ZNF891: variants seen among roughly 807,000 people sequenced by gnomAD.
ZNF891 encodes the protein hCG1646157.
For synonymous variants in ZNF891, 199 were observed against 209.0 expected, an observed-to-expected ratio of 0.95 and a Z score of 0.41; for missense variants, 589 against 632.7, an observed-to-expected ratio of 0.93 and a Z score of 0.74.
Position 133,121,117 on chromosome 12 carries a change from T to C in ZNF891, c.802A>G (p.Thr268Ala), listed in dbSNP as rs1168048502. 12 of 1,535,474 alleles carry C rather than the reference T, an allele frequency of 7.8e-6. No homozygotes were observed. The Admixed American group carries it at 9.8e-5, about 13-fold the overall frequency. The change falls in exon 2 of 2, where the codon ACA (threonine) becomes GCA (alanine). Residue 268 changes from threonine (T) to alanine (A), a missense_variant. By Grantham distance (58) the Thr-to-Ala change is moderately conservative. Coordinates refer to ENST00000537226, the MANE Select transcript of ZNF891 (RefSeq NM_001277291.2). ...QRNQTVQKEY[T>A]YSKHGMHFTH... is the part of the protein sequence containing the mutation. ...AAGTGCATTCCATGTTTAGAATATG[T>C]GTACTCTTTTTGTACTGTTTGATTT...
rs7971566 is a variant in ZNF891, at chr12:133,118,092, T to C, written c.*2192A>G. ...TCCTGAGTAGCTGGGACTACAGGCATGTGCCACCACACCCGGCTAATTTTT... is the reference window on the plus strand; with the variant it reads ...TCCTGAGTAGCTGGGACTACAGGCACGTGCCACCACACCCGGCTAATTTTT... On this transcript the variant is annotated 3_prime_UTR_variant, in exon 2 of 2. Transcript: ENST00000537226. 0.29 allele frequency: 44,436 copies of C among 151,906 alleles called. 6,761 individuals are homozygous for C. The highest frequency in any genetic ancestry group is 0.35 in the African/African-American group (14,566 of 41,368). The allele number at this position is 151,906 out of a possible 1,614,324, so 9.4% of individuals were successfully genotyped here.
intron 1 of ZNF891, among the ~76,000 whole-genome samples, chr12:133,128,419 C>A (rs1384181477): frequency 1.3e-5 from 2 of 152,084 alleles, no homozygotes; most frequent in Non-Finnish European, 2.9e-5. Context: ...ATTGCCTGAG[C>A]TGAAGAGTTC....
chr12:133,114,005 A>C lies in ZNF891; in HGVS notation c.*6279T>G, dbSNP rs1955701825. 6.6e-6 allele frequency: 1 copy of C among 152,088 alleles called. No homozygotes were observed. The highest frequency in any genetic ancestry group is 1.5e-5 in the Non-Finnish European group (1 of 68,036). The allele number at this position is 152,088 out of a possible 1,614,324, so 9.4% of individuals were successfully genotyped here. On this transcript the variant is annotated 3_prime_UTR_variant, in exon 2 of 2. Transcript: ENST00000537226. ...AGTGCTGGGATTACAGATGTGAGCCACCACACCCACCCAGTAAGTTTGTAC... is the reference window on the plus strand; with the variant it reads ...AGTGCTGGGATTACAGATGTGAGCCCCCACACCCACCCAGTAAGTTTGTAC...
chr12:133,107,683 G>A lies in ZNF891; in HGVS notation c.*12601C>T, dbSNP rs889199615. The A allele has an allele frequency of 1.3e-5, 2 of 152,080 alleles. No homozygotes were observed. Among genetic ancestry groups the A allele is most frequent in the Admixed American group, 6.5e-5 (1 of 15,272 alleles). The allele number at this position is 152,080 out of a possible 1,614,324, so 9.4% of individuals were successfully genotyped here. A position where few individuals can be genotyped will look rare whatever the true frequency, so the allele number is the denominator to read the frequency against. On this transcript the variant is annotated 3_prime_UTR_variant, in exon 2 of 2. Coordinates refer to ENST00000537226, the MANE Select transcript of ZNF891 (RefSeq NM_001277291.2). ...AGATACATCACAGAAAATTACCAAG[G>A]TATTCTTCCTGTTTTGTTCCATGTA...
At position 133,116,193 on chromosome 12, in the gene ZNF891, C is replaced by T. The variant is rs746895903; in HGVS notation, c.*4091G>A. 5.9e-5 allele frequency: 9 copies of T among 152,252 alleles called. No individual in the cohort carries two copies. Among genetic ancestry groups the T allele is most frequent in the Non-Finnish European group, 1.2e-4 (8 of 68,130 alleles). 9.4% of individuals were successfully genotyped at this position (152,252 alleles called of 1,614,324 possible). A position where few individuals can be genotyped will look rare whatever the true frequency, so the allele number is the denominator to read the frequency against. ...GATCTCGGCTTACCACAACCTCTGC[C>T]TCCCGGGTTCACAGCATTCTCCTGC... On this transcript the variant is annotated 3_prime_UTR_variant, in exon 2 of 2. Transcript: ENST00000537226.
chr12:133,125,157 T>C (rs1288230647), intron 1 of ZNF891, among the ~76,000 whole-genome samples: 1 of 150,530 alleles, frequency 6.6e-6, no homozygotes, highest in African/African-American at 2.4e-5. Flanking sequence ...ATCTGAACAC[T>C]GCCTATACAT....
Position 133,107,750 on chromosome 12 carries a change from T to C in ZNF891, c.*12534A>G, listed in dbSNP as rs561718303. The stretch of plus-strand genomic sequence containing the variant: ...TTTGTAAGCAGGTATTTAAAACTGT[T>C]CTGGCATTACCACCTGCCCAGCTGA... On this transcript the variant is annotated 3_prime_UTR_variant, in exon 2 of 2. Coordinates refer to ENST00000537226, the MANE Select transcript of ZNF891 (RefSeq NM_001277291.2). The C allele has an allele frequency of 1.3e-5, 2 of 152,318 alleles. No individual in the cohort carries two copies. Among genetic ancestry groups the C allele is most frequent in the African/African-American group, 4.8e-5 (2 of 41,582 alleles). The allele number at this position is 152,318 out of a possible 1,614,324, so 9.4% of individuals were successfully genotyped here. A position where few individuals can be genotyped will look rare whatever the true frequency, so the allele number is the denominator to read the frequency against.
rs999712573 is a variant in ZNF891, at chr12:133,110,237, C to T, written c.*10047G>A. 2.0e-5 allele frequency: 3 copies of T among 152,042 alleles called. No individual in the cohort carries two copies. Among genetic ancestry groups the T allele is most frequent in the East Asian group, 1.9e-4 (1 of 5,198 alleles). 9.4% of individuals were successfully genotyped at this position (152,042 alleles called of 1,614,324 possible). ...ACAATAGCACAAGAAAGGAGGGAGA[C>T]GTTTAAAAGATGAGTCTAGGAATAT... is the stretch of plus-strand genomic sequence containing the variant. On this transcript the variant is annotated 3_prime_UTR_variant, in exon 2 of 2. Transcript: ENST00000537226.
At chr12:133,126,068 T>C (rs905660015) in intron 1 of ZNF891, 1 of 164,980 alleles carries the variant, frequency 6.1e-6, no homozygotes. Flanking sequence ...AACTTCATAA[T>C]TTGAAAAATA....
rs1377494154 is a variant in ZNF891, at chr12:133,106,229, C to T, written c.*14055G>A. The T allele has an allele frequency of 1.2e-5, 20 of 1,614,116 alleles. No homozygotes were observed. The highest frequency in any genetic ancestry group is 1.0e-4 in the Admixed American group (6 of 60,010). The stretch of plus-strand genomic sequence containing the variant: ...ATTTCGCCGTTTCTCACACCTTACT[C>T]GACATCAGAGCATCCATACAACCAA... On this transcript the variant is annotated 3_prime_UTR_variant, in exon 2 of 2. Coordinates refer to ENST00000537226, the MANE Select transcript of ZNF891 (RefSeq NM_001277291.2).
rs1294469928 is a variant in ZNF891, at chr12:133,121,438, T to A, written c.481A>T (p.Ile161Phe). Residue 161 changes from isoleucine (I) to phenylalanine (F), a missense_variant, in exon 2 of 2, where the codon ATC becomes TTC. Coordinates refer to ENST00000537226, the MANE Select transcript of ZNF891 (RefSeq NM_001277291.2). ...CCTGGAATCTTATGCTGTTTTCTGA[T>A]CTTATGGCATTCCCAGTCTTCTCTT... ...TLREDWECHK[I>F]RKQHKIPGGH... 6.5e-7 allele frequency: 1 copy of A among 1,536,152 alleles called. No homozygotes were observed. Among genetic ancestry groups the A allele is most frequent in the Non-Finnish European group, 8.7e-7 (1 of 1,146,908 alleles).
chr12:133,106,236 A>G lies in ZNF891; in HGVS notation c.*14048T>C. On this transcript the variant is annotated 3_prime_UTR_variant, in exon 2 of 2. Transcript: ENST00000537226. ...CGTTTCTCACACCTTACTCGACATCAGAGCATCCATACAACCAAAACCCCG... is the reference window on the plus strand; with the variant it reads ...CGTTTCTCACACCTTACTCGACATCGGAGCATCCATACAACCAAAACCCCG... The G allele has an allele frequency of 6.2e-7, 1 of 1,614,230 alleles. No homozygotes were observed. The highest frequency in any genetic ancestry group is 1.1e-5 in the South Asian group (1 of 91,084).
rs767135480 is a variant in ZNF891 at position 133,120,577 on chromosome 12, T to C, written c.1342A>G (p.Lys448Glu). The part of the protein sequence containing the change: ...GKAFNTSSHL[K>E]VHKKIHTGEN... ...CCGGTATGAATTTTCTTATGAACTT[T>C]AAGGTGAGAGCTCGTGTTGAAGGCT... The change falls in exon 2 of 2, where the codon AAA becomes GAA. Residue 448 changes from lysine to glutamate, a missense_variant. Physicochemically the swap from Lys to Glu is moderately conservative, Grantham distance 56. Coordinates refer to ENST00000537226, the MANE Select transcript of ZNF891 (RefSeq NM_001277291.2). 1.3e-6 allele frequency: 2 copies of C among 1,559,670 alleles called. No individual in the cohort carries two copies. The highest frequency in any genetic ancestry group is 1.7e-6 in the Non-Finnish European group (2 of 1,153,130).
In ZNF891 at chr12:133,106,132, C is replaced by T; in HGVS notation, c.*14152G>A. On this transcript the variant is annotated 3_prime_UTR_variant, in exon 2 of 2. Coordinates refer to ENST00000537226, the MANE Select transcript of ZNF891 (RefSeq NM_001277291.2). ...AATGTGGTAAAGCATTTAGCAGTGG[C>T]TCAGAACTCATTCGCCACCAGATTA... The T allele has an allele frequency of 3.7e-6, 6 of 1,614,130 alleles. No homozygotes were observed. Among genetic ancestry groups the T allele is most frequent in the Non-Finnish European group, 5.1e-6 (6 of 1,180,018 alleles).
rs376746277 is a variant in ZNF891 at position 133,106,062 on chromosome 12, G to A, written c.*14222C>T. 174 of 1,613,874 alleles carry A rather than the reference G, an allele frequency of 1.1e-4. No homozygotes were observed. The highest frequency in any genetic ancestry group is 1.4e-4 in the Non-Finnish European group (165 of 1,180,014). On this transcript the variant is annotated 3_prime_UTR_variant, in exon 2 of 2. Transcript: ENST00000537226. The stretch of plus-strand genomic sequence containing the variant: ...TTTAGCCGTGCCTCCAACCTCACTC[G>A]ACATCAAAGAATTCACATAGGAAAG...
chr12:133,122,847 C>T (rs1275582268), intron 1 of ZNF891, among the ~76,000 whole-genome samples: 1 of 152,100 alleles, frequency 6.6e-6, no homozygotes, highest in Non-Finnish European at 1.5e-5. Flanking sequence ...GGTCAAATGA[C>T]AAAGGAAGAA....
chr12:133,120,454 C>T lies in ZNF891; in HGVS notation c.1465G>A (p.Glu489Lys). 3 of 1,605,158 alleles carry T rather than the reference C, an allele frequency of 1.9e-6. No individual in the cohort carries two copies. Among genetic ancestry groups the T allele is most frequent in the Non-Finnish European group, 2.6e-6 (3 of 1,176,244 alleles). ...IRTHTGEKPY[E>K]CKECRKAFSV... Reference sequence around the variant, plus strand: ...AAGGCTTTCCTACATTCCTTACATTCATAGGGTTTCTCTCCAGTGTGAGTT... The same window carrying T: ...AAGGCTTTCCTACATTCCTTACATTTATAGGGTTTCTCTCCAGTGTGAGTT... Residue 489 changes from glutamate to lysine, a missense_variant, in exon 2 of 2, where the codon GAA becomes AAA. Glu to Lys is a moderately conservative substitution (Grantham distance 56, BLOSUM62 1). Coordinates refer to ENST00000537226, the MANE Select transcript of ZNF891 (RefSeq NM_001277291.2).
Position 133,106,646 on chromosome 12 carries a change from C to T in ZNF891, c.*13638G>A, listed in dbSNP as rs746450877. The T allele has an allele frequency of 5.1e-6, 8 of 1,574,184 alleles. No individual in the cohort carries two copies. The East Asian group carries it at 1.8e-4, about 35-fold the overall frequency. On this transcript the variant is annotated 3_prime_UTR_variant, in exon 2 of 2. Transcript: ENST00000537226. ...TTACCACTCATTCCTTACTGAACAC[C>T]AGTGAATTTACACTGCAAAGAAAAA... is the stretch of plus-strand genomic sequence containing the variant.
Position 133,115,920 on chromosome 12 carries a change from G to T in ZNF891, c.*4364C>A, listed in dbSNP as rs1955713025. On this transcript the variant is annotated 3_prime_UTR_variant, in exon 2 of 2. Transcript: ENST00000537226. ...GCTCCAATGAGCATTTCTTTTGAAA[G>T]TCACATCGGCGCACAAGGTTTCAGG... The T allele has an allele frequency of 6.6e-6, 1 of 152,168 alleles. No individual in the cohort carries two copies. The highest frequency in any genetic ancestry group is 1.5e-5 in the Non-Finnish European group (1 of 68,024). The allele number at this position is 152,168 out of a possible 1,614,324, so 9.4% of individuals were successfully genotyped here. A position where few individuals can be genotyped will look rare whatever the true frequency, so the allele number is the denominator to read the frequency against.
Sources: gnomAD v4.1 joint callset for allele counts (sites outside exome capture counted in the v4.1 genomes callset) on GRCh38, gnomAD v4.1.1 for gene constraint, MANE v1.5 for transcripts, NCBI Gene and HGNC (gene_info 2026-07-23, HGNC 2026-07-21) for gene names.